GRM5: variants seen among roughly 807,000 people sequenced by gnomAD.
The protein encoded by GRM5 is glutamate metabotropic receptor 5.
In GRM5, 19 loss-of-function variants were observed where a neutral mutation model predicts 83.1. That is an observed-to-expected ratio of 0.23 (90% CI 0.16 to 0.34). The LOEUF (loss-of-function observed/expected upper bound fraction) is 0.34. Ranked by LOEUF, GRM5 falls within the 10% of genes least tolerant of loss-of-function variation. The pLI, the probability that GRM5 is intolerant of heterozygous loss-of-function variation, is 1.00. For synonymous variants in GRM5, 675 were observed against 633.6 expected, an observed-to-expected ratio of 1.07 and a Z score of -0.98; for missense variants, 1,160 against 1,588.3, an observed-to-expected ratio of 0.73 and a Z score of 4.58.
chr11:88,718,127 ACT>A (rs1941440813), intron 3 of GRM5, among the ~76,000 whole-genome samples: 1 of 151,910 alleles, frequency 6.6e-6, no homozygotes, highest in Non-Finnish European at 1.5e-5. Flanking sequence ...AATTCTTAAA[ACT>A]CTCTGTAAGA....
chr11:88,729,056 TC>T (rs1941745773), intron 3 of GRM5, among the ~76,000 whole-genome samples: 1 of 152,118 alleles, frequency 6.6e-6, no homozygotes, highest in Non-Finnish European at 1.5e-5. Context: ...TAAAAGGTAT[TC>T]AAATAGGTAG....
At chr11:88,913,587 C>CTTT (rs5793358) in intron 2 of GRM5, among the ~76,000 whole-genome samples, 3 of 87,384 alleles carry the variant, frequency 3.4e-5, no homozygotes, top group African/African-American at 1.2e-4. Flanking sequence ...CTCTCTCTCT[C>CTTT]TTTTTTTTTT....
intron 3 of GRM5, among the ~76,000 whole-genome samples, chr11:88,796,272 T>C (rs1011788073): frequency 3.3e-5 from 5 of 152,208 alleles, no homozygotes; most frequent in African/African-American, 1.2e-4. Flanking sequence ...TTTTTGTTCC[T>C]ATGAATCATC....
chr11:89,060,979 A>G (rs1040697884), intron 1 of GRM5, among the ~76,000 whole-genome samples: 2 of 152,182 alleles, frequency 1.3e-5, no homozygotes, highest in Admixed American at 6.5e-5. Flanking sequence ...TGAATATAAC[A>G]CATAACACAT....
intron 3 of GRM5, among the ~76,000 whole-genome samples, chr11:88,752,817 T>C (rs890098545): frequency 1.3e-5 from 2 of 152,188 alleles, no homozygotes; most frequent in Admixed American, 6.5e-5. Flanking sequence ...CTTACAACTA[T>C]CTAATCTTTG....
chr11:88,568,600 A>G (rs1942920246), intron 7 of GRM5, among the ~76,000 whole-genome samples: 1 of 152,136 alleles, frequency 6.6e-6, no homozygotes, highest in Admixed American at 6.6e-5. Context: ...AGCAATGACA[A>G]GCTCAGATTT....
At chr11:89,046,645 C>T (rs1294491803) in intron 2 of GRM5, among the ~76,000 whole-genome samples, 3 of 152,138 alleles carry the variant, frequency 2.0e-5, no homozygotes, top group African/African-American at 7.2e-5. Flanking sequence ...CAAATATGTT[C>T]TATACAAGGA....
chr11:88,990,904 T>A (rs974461801), intron 2 of GRM5, among the ~76,000 whole-genome samples: 1 of 152,082 alleles, frequency 6.6e-6, no homozygotes, highest in East Asian at 1.9e-4. Context: ...ACAGCCAATA[T>A]CGTACTGAAT....
chr11:88,989,727 A>T (rs958146744), intron 2 of GRM5, among the ~76,000 whole-genome samples: 5 of 141,574 alleles, frequency 3.5e-5, no homozygotes, highest in East Asian at 4.1e-4. Context: ...CCGCTCAACT[A>T]CATGGAAACT....
At chr11:88,574,901 C>T (rs11020490) in intron 7 of GRM5, among the ~76,000 whole-genome samples, 8,034 of 151,348 alleles carry the variant, frequency 0.053, 677 homozygotes, top group African/African-American at 0.18. Context: ...CCAGTAAAGT[C>T]ATTCTTTAGA....
chr11:88,779,386 G>A (rs879691634), intron 3 of GRM5, among the ~76,000 whole-genome samples: 1 of 151,916 alleles, frequency 6.6e-6, no homozygotes, highest in Non-Finnish European at 1.5e-5. Flanking sequence ...TTTTTCCTCT[G>A]GTGCCTGGAA....
intron 8 of GRM5, among the ~76,000 whole-genome samples, chr11:88,563,380 G>T (rs1942800448): frequency 6.6e-6 from 1 of 152,076 alleles, no homozygotes; most frequent in South Asian, 2.1e-4. Context: ...TGGAGACATA[G>T]TTACCATAAT....
chr11:88,805,472 G>A (rs1483953830), intron 3 of GRM5, among the ~76,000 whole-genome samples: 1 of 152,124 alleles, frequency 6.6e-6, no homozygotes, highest in Non-Finnish European at 1.5e-5. Context: ...TTACAGGTGT[G>A]AGCCACCACG....
At chr11:88,622,497 T>C (rs1236983272) in intron 4 of GRM5, among the ~76,000 whole-genome samples, 1 of 152,174 alleles carries the variant, frequency 6.6e-6, no homozygotes, top group East Asian at 1.9e-4. Context: ...CCACTATGAA[T>C]ACACATTTAT....
At chr11:88,676,822 T>G (rs2135339814) in intron 3 of GRM5, among the ~76,000 whole-genome samples, 1 of 152,232 alleles carries the variant, frequency 6.6e-6, no homozygotes, top group African/African-American at 2.4e-5. Flanking sequence ...TAACACATTT[T>G]TATGTAGCAC....
At chr11:88,531,988 T>C (rs1591327979) in intron 8 of GRM5, among the ~76,000 whole-genome samples, 1 of 152,090 alleles carries the variant, frequency 6.6e-6, no homozygotes, top group East Asian at 1.9e-4. Flanking sequence ...TTTTCTTATA[T>C]GTGTAGAAAC....
At chr11:88,610,318 A>G (rs1565359902) in intron 4 of GRM5, among the ~76,000 whole-genome samples, 1 of 152,160 alleles carries the variant, frequency 6.6e-6, no homozygotes, top group Non-Finnish European at 1.5e-5. Context: ...TGATATGGCC[A>G]TTTTAACAAT....
chr11:88,699,207 T>C (rs1276811153), intron 3 of GRM5, among the ~76,000 whole-genome samples: 3 of 152,142 alleles, frequency 2.0e-5, no homozygotes. Context: ...TTTACATGGG[T>C]CAGCTGTGAA....
intron 2 of GRM5, among the ~76,000 whole-genome samples, chr11:88,967,509 T>G (rs1939024455): frequency 2.0e-5 from 3 of 151,872 alleles, no homozygotes; most frequent in Admixed American, 2.0e-4. Context: ...CAGCTGAAAT[T>G]CAAGAGTGCA....
Sources: allele counts gnomAD v4.1 joint callset (sites outside exome capture counted in the v4.1 genomes callset), GRCh38; gene constraint gnomAD v4.1.1; transcripts MANE v1.5; gene names NCBI Gene and HGNC (gene_info 2026-07-23, HGNC 2026-07-21).